The following WAC variants were observed in gnomAD, a reference collection of about 807,000 sequenced individuals.
WAC encodes WW domain containing adaptor with coiled-coil, also known as WW domain-containing adapter protein with coiled-coil.
A neutral mutation model predicts 79.6 loss-of-function variants in WAC; 11 were observed. The observed-to-expected ratio is 0.14, with a 90% CI of 0.09 to 0.23. The LOEUF is 0.23. Among genes scored for constraint, WAC ranks in the 10% least tolerant of loss-of-function variants. The pLI, the probability that WAC is intolerant of heterozygous loss-of-function variation, is 1.00. For missense variants in WAC, 728 were observed against 773.5 expected (o/e 0.94, Z 0.70); for synonymous variants, 304 against 276.9 (o/e 1.10, Z -0.97).
chr10:28,611,708 C>T, intron 9 of WAC, 66 bp from the exon 10 acceptor site: 1 of 1,571,466 alleles, frequency 6.4e-7, no homozygotes, highest in Non-Finnish European at 8.6e-7. Flanking sequence ...ACATATATTA[C>T]AAAGGACTTT....
At chr10:28,590,861 G>T (rs1442014981) in intron 6 of WAC, 29 bp downstream of exon 6, 1 of 1,525,936 alleles carries the variant, frequency 6.6e-7, no homozygotes, top group East Asian at 2.3e-5. Flanking sequence ...TCTTTGAAAT[G>T]TATGTTTGAC....
chr10:28,592,704 A>G (rs927965364), intron 6 of WAC, among the ~76,000 whole-genome samples: 1 of 152,222 alleles, frequency 6.6e-6, no homozygotes, highest in Non-Finnish European at 1.5e-5. Flanking sequence ...TCATGATTTC[A>G]AAAGTAGGCC....
intron 11 of WAC, chr10:28,614,888 T>C: frequency 2.6e-6 from 1 of 390,620 alleles, no homozygotes; most frequent in Non-Finnish European, 4.6e-6. Context: ...GCCCGGGTTA[T>C]TTTGAAGAAA....
At chr10:28,541,033 T>C (rs1448553098) in intron 3 of WAC, among the ~76,000 whole-genome samples, 1 of 152,196 alleles carries the variant, frequency 6.6e-6, no homozygotes, top group Non-Finnish European at 1.5e-5. Context: ...TTATGTATTG[T>C]TTATAATTTA....
Position 28,608,107 on chromosome 10 carries a change from CAT to C in WAC, c.920-78_920-77del. 1.9e-6 allele frequency: 3 copies of C among 1,541,668 alleles called. No individual in the cohort carries two copies. The East Asian group carries it at 6.7e-5, about 35-fold the overall frequency. On this transcript the variant is annotated intron_variant, in intron 7 of 13. Coordinates refer to ENST00000354911, the MANE Select transcript of WAC (RefSeq NM_016628.5). The stretch of plus-strand genomic sequence containing the variant: ...GATTACTTACGTTAGGTGCCTGGCA[CAT>C]GAGAGGTGTTCCTTTGATGTTTGTT...
intron 2 of WAC, chr10:28,535,255 T>C (rs1416351425): frequency 4.9e-6 from 1 of 202,544 alleles, no homozygotes; most frequent in Non-Finnish European, 9.8e-6. Flanking sequence ...TATCAAAAAA[T>C]GATTCTAAAT....
chr10:28,598,415 A>G (rs927204739), intron 7 of WAC, among the ~76,000 whole-genome samples: 2 of 152,264 alleles, frequency 1.3e-5, no homozygotes, highest in South Asian at 2.1e-4. Flanking sequence ...GTTGAATCCA[A>G]TACTCTTTTG....
At chr10:28,603,990 TATATATATA>T (rs1840795860) in intron 7 of WAC, among the ~76,000 whole-genome samples, 1 of 114,296 alleles carries the variant, frequency 8.7e-6, no homozygotes, top group East Asian at 2.4e-4. Context: ...TATATATATG[TATATATATA>T]TATATTTCTA....
At chr10:28,590,926 A>C in intron 6 of WAC, 94 bp downstream of exon 6, 1 of 955,908 alleles carries the variant, frequency 1.0e-6, no homozygotes, top group Non-Finnish European at 1.6e-6. Flanking sequence ...TATGTAAATT[A>C]AAATAAATAG....
intron 7 of WAC, among the ~76,000 whole-genome samples, chr10:28,606,493 C>T (rs1040280296): frequency 6.6e-6 from 1 of 152,124 alleles, no homozygotes; most frequent in Admixed American, 6.5e-5. Flanking sequence ...ATAAAAATAT[C>T]TTAGTCCTTC....
chr10:28,553,352 A>G (rs1210499799), intron 3 of WAC, among the ~76,000 whole-genome samples: 1 of 152,178 alleles, frequency 6.6e-6, no homozygotes, highest in African/African-American at 2.4e-5. Context: ...CAGATACAGT[A>G]TTCATTTTCT....
intron 3 of WAC, among the ~76,000 whole-genome samples, chr10:28,549,598 T>G (rs906798221): frequency 3.9e-5 from 6 of 152,206 alleles, no homozygotes; most frequent in Admixed American, 1.3e-4. Flanking sequence ...GTCTCATTCT[T>G]TACCCGCAGC....
intron 3 of WAC, among the ~76,000 whole-genome samples, chr10:28,556,945 T>A (rs1347951318): frequency 1.3e-5 from 2 of 152,196 alleles, no homozygotes; most frequent in Non-Finnish European, 2.9e-5. Context: ...ATACTTTTTT[T>A]ATTATTACCA....
At chr10:28,577,240 A>C (rs1400310685) in intron 3 of WAC, among the ~76,000 whole-genome samples, 1 of 152,166 alleles carries the variant, frequency 6.6e-6, no homozygotes, top group Non-Finnish European at 1.5e-5. Context: ...CGTGTGTACA[A>C]ATTTTTTTTA....
At chr10:28,573,580 C>T (rs1356497769) in intron 3 of WAC, among the ~76,000 whole-genome samples, 1 of 152,180 alleles carries the variant, frequency 6.6e-6, no homozygotes, top group South Asian at 2.1e-4. Context: ...CACAGTCGTG[C>T]ACCACTTTCT....
intron 11 of WAC, chr10:28,615,597 A>G (rs1002346443): frequency 6.6e-6 from 1 of 152,222 alleles, no homozygotes. Flanking sequence ...TTGGGTGATT[A>G]AATTTTTTGG....
chr10:28,597,032 A>G (rs955089701), intron 7 of WAC, among the ~76,000 whole-genome samples: 1 of 151,978 alleles, frequency 6.6e-6, no homozygotes, highest in Admixed American at 6.5e-5. Context: ...CTATAAATAC[A>G]TTTTATTTGA....
At chr10:28,591,050 T>A in intron 6 of WAC, 1 of 473,820 alleles carries the variant, frequency 2.1e-6, no homozygotes, top group Non-Finnish European at 3.8e-6. Context: ...CCACTACACA[T>A]TATGGCTATA....
chr10:28,604,158 C>G (rs1469407985), intron 7 of WAC, among the ~76,000 whole-genome samples: 3 of 150,444 alleles, frequency 2.0e-5, no homozygotes, highest in Non-Finnish European at 4.4e-5. Context: ...ATGAATATAG[C>G]ATAAAATGAG....
Sources: gnomAD v4.1 joint callset for allele counts (sites outside exome capture counted in the v4.1 genomes callset) on GRCh38, gnomAD v4.1.1 for gene constraint, MANE v1.5 for transcripts, NCBI Gene and HGNC (gene_info 2026-07-23, HGNC 2026-07-21) for gene names.